Variants in ROBO1 observed in about 807,000 individuals in gnomAD.
ROBO1 encodes the protein roundabout homolog 1.
Under a neutral mutation model 195.9 loss-of-function variants are expected in ROBO1, and 149 were observed. The observed-to-expected ratio is 0.76, with a 90% CI of 0.67 to 0.87. The LOEUF is 0.87. Ranked by LOEUF, ROBO1 falls within the 40% of genes least tolerant of loss-of-function variation. The pLI is 0.00. For synonymous variants in ROBO1, 816 were observed against 733.2 expected, an observed-to-expected ratio of 1.11 and a Z score of -1.82; for missense variants, 1,933 against 2,068.3, an observed-to-expected ratio of 0.93 and a Z score of 1.27.
intron 3 of ROBO1, among the ~76,000 whole-genome samples, chr3:78,942,993 T>A (rs1428648481): frequency 6.6e-6 from 1 of 151,920 alleles, no homozygotes; most frequent in Non-Finnish European, 1.5e-5. Flanking sequence ...GGCGGGCAGA[T>A]CACCAGGTCA....
chr3:78,876,433 T>A (rs1289911320), intron 4 of ROBO1, among the ~76,000 whole-genome samples: 1 of 152,166 alleles, frequency 6.6e-6, no homozygotes, highest in African/African-American at 2.4e-5. Context: ...AGTCTATTAA[T>A]AAGTTCAGAG....
chr3:78,982,069 C>T (rs2077007376), intron 3 of ROBO1, among the ~76,000 whole-genome samples: 1 of 152,080 alleles, frequency 6.6e-6, no homozygotes, highest in Non-Finnish European at 1.5e-5. Context: ...AATTAGACAA[C>T]CTTTGTTCAC....
At chr3:79,310,152 A>C (rs78419364) in intron 2 of ROBO1, among the ~76,000 whole-genome samples, 4,244 of 152,214 alleles carry the variant, frequency 0.028, 176 homozygotes, top group African/African-American at 0.096. Context: ...TGCCTCATTT[A>C]AAGCTACAGG....
intron 4 of ROBO1, among the ~76,000 whole-genome samples, chr3:78,838,147 T>C (rs1191287176): frequency 6.6e-6 from 1 of 152,176 alleles, no homozygotes; most frequent in Non-Finnish European, 1.5e-5. Flanking sequence ...TTTTTTAAAG[T>C]TTAATTCAGA....
At chr3:79,557,854 A>C (rs1434887253) in intron 2 of ROBO1, among the ~76,000 whole-genome samples, 1 of 151,330 alleles carries the variant, frequency 6.6e-6, no homozygotes, top group Non-Finnish European at 1.5e-5. Context: ...TGCTTTCCAG[A>C]GCATGACATC....
At chr3:78,824,756 A>T (rs1365825591) in intron 4 of ROBO1, among the ~76,000 whole-genome samples, 1 of 152,196 alleles carries the variant, frequency 6.6e-6, no homozygotes, top group Non-Finnish European at 1.5e-5. Context: ...TAAGGATTGG[A>T]AGATCCTAAA....
At chr3:79,706,002 A>G (rs1560116726) in intron 1 of ROBO1, among the ~76,000 whole-genome samples, 2 of 152,068 alleles carry the variant, frequency 1.3e-5, no homozygotes, top group Non-Finnish European at 2.9e-5. Flanking sequence ...GCTTTTGTAT[A>G]TTAGCCTTGT....
At chr3:79,269,542 A>T in intron 2 of ROBO1, among the ~76,000 whole-genome samples, 1 of 151,858 alleles carries the variant, frequency 6.6e-6, no homozygotes, top group South Asian at 2.1e-4. Flanking sequence ...ATTATAGTCA[A>T]TAATGTAATG....
At chr3:79,202,349 C>T (rs182602287) in intron 2 of ROBO1, among the ~76,000 whole-genome samples, 1 of 151,874 alleles carries the variant, frequency 6.6e-6, no homozygotes, top group African/African-American at 2.4e-5. Context: ...ACACATGAAG[C>T]CTAAAAATCA....
intron 1 of ROBO1, among the ~76,000 whole-genome samples, chr3:79,767,283 A>C (rs1309067034): frequency 6.6e-6 from 1 of 152,164 alleles, no homozygotes; most frequent in African/African-American, 2.4e-5. Flanking sequence ...ATTAGGCTGC[A>C]AAGTTGCCCG....
intron 1 of ROBO1, among the ~76,000 whole-genome samples, chr3:79,763,531 A>G (rs925928097): frequency 6.6e-6 from 1 of 152,116 alleles, no homozygotes; most frequent in Non-Finnish European, 1.5e-5. Context: ...CAAATGAAGA[A>G]GATAATTTTG....
rs139783200 is a variant in ROBO1, at chr3:78,862,238, C to G, written c.499+76363G>C. 2.4e-3 allele frequency among the ~76,000 whole-genome samples: 368 copies of G among 152,052 alleles called. 2 individuals are homozygous for G. Among genetic ancestry groups the G allele is most frequent in the Middle Eastern group, 0.01 (3 of 294 alleles). ...ACCACCTTGGCTGGAGTGAAGCCAC[C>G]TGGAAAGCAAGAGAAGGCATAAAGG... is the stretch of plus-strand genomic sequence containing the variant. On this transcript the variant is annotated intron_variant, in intron 4 of 30. Coordinates refer to ENST00000464233, the MANE Select transcript of ROBO1 (RefSeq NM_002941.4).
intron 5 of ROBO1, among the ~76,000 whole-genome samples, chr3:78,728,343 G>A (rs1238206457): frequency 6.6e-6 from 1 of 152,000 alleles, no homozygotes; most frequent in Non-Finnish European, 1.5e-5. Context: ...CTCAAGACCA[G>A]TCCAATATGA....
chr3:79,082,918 T>C (rs1313389165), intron 3 of ROBO1, among the ~76,000 whole-genome samples: 2 of 152,212 alleles, frequency 1.3e-5, no homozygotes, highest in South Asian at 2.1e-4. Context: ...AAACTGTCCT[T>C]ATCTCAGATA....
At chr3:79,348,915 C>T (rs945813948) in intron 2 of ROBO1, among the ~76,000 whole-genome samples, 17 of 152,122 alleles carry the variant, frequency 1.1e-4, no homozygotes, top group South Asian at 4.1e-4. Flanking sequence ...GCAATGAAAA[C>T]GCGAAAGTTT....
At chr3:78,705,328 A>G (rs17016466) in intron 8 of ROBO1, among the ~76,000 whole-genome samples, 41,058 of 152,146 alleles carry the variant, frequency 0.27, 5,909 homozygotes, top group African/African-American at 0.37. Context: ...CTGTATTTGC[A>G]TAAGCACCCC....
At chr3:79,411,159 C>T (rs1212779221) in intron 2 of ROBO1, among the ~76,000 whole-genome samples, 2 of 152,114 alleles carry the variant, frequency 1.3e-5, no homozygotes, top group East Asian at 3.9e-4. Flanking sequence ...CACACGCACG[C>T]ACATTTCCAC....
intron 8 of ROBO1, among the ~76,000 whole-genome samples, chr3:78,703,992 G>A (rs2081484908): frequency 6.6e-6 from 1 of 151,948 alleles, no homozygotes; most frequent in African/African-American, 2.4e-5. Flanking sequence ...CACATATCAA[G>A]GTTCTTAAAA....
At chr3:78,705,168 A>G (rs1671232480) in intron 8 of ROBO1, among the ~76,000 whole-genome samples, 1 of 152,222 alleles carries the variant, frequency 6.6e-6, no homozygotes, top group Non-Finnish European at 1.5e-5. Context: ...TAATTATGTT[A>G]AAGTAAAACA....
Sources: gnomAD v4.1 joint callset for allele counts (sites outside exome capture counted in the v4.1 genomes callset) on GRCh38, gnomAD v4.1.1 for gene constraint, MANE v1.5 for transcripts, NCBI Gene and HGNC (gene_info 2026-07-23, HGNC 2026-07-21) for gene names.